The following TTC28 variants were observed in gnomAD, a reference collection of about 807,000 sequenced individuals.
The protein encoded by TTC28 is tetratricopeptide repeat domain 28.
In TTC28, 61 loss-of-function variants were observed where a neutral mutation model predicts 198.0. The ratio of observed to expected loss-of-function variants is 0.31; its 90% CI spans 0.25 to 0.38. The LOEUF (loss-of-function observed/expected upper bound fraction) is 0.38, where lower values mean the gene tolerates loss of function less well. Among genes scored for constraint, TTC28 ranks in the 10% least tolerant of loss-of-function variants. TTC28 has a pLI of 1.00. For synonymous variants in TTC28, 1,171 were observed against 1,297.8 expected, an observed-to-expected ratio of 0.90 and a Z score of 2.10; for missense variants, 2,678 against 3,164.0, an observed-to-expected ratio of 0.85 and a Z score of 3.69.
intron 2 of TTC28, among the ~76,000 whole-genome samples, chr22:28,606,756 C>A (rs773266231): frequency 6.6e-6 from 1 of 152,080 alleles, no homozygotes; most frequent in Non-Finnish European, 1.5e-5. Flanking sequence ...AAAATCATGT[C>A]TTTAACACAT....
In TTC28 at chr22:28,443,676, G is replaced by C. The variant is rs753822338; in HGVS notation, c.382-137033C>G. 1.3e-5 allele frequency among the ~76,000 whole-genome samples: 2 copies of C among 151,936 alleles called. 1 individual carries two copies. Among genetic ancestry groups the C allele is most frequent in the South Asian group, 4.2e-4 (2 of 4,818 alleles). On this transcript the variant is annotated intron_variant, in intron 2 of 22. Coordinates refer to ENST00000397906, the MANE Select transcript of TTC28 (RefSeq NM_001145418.2). ...TGCACTAATGACTTCCTTCCCTTCA[G>C]TGCGAGCACAGCCAGCCCAGCTTCA...
intron 5 of TTC28, among the ~76,000 whole-genome samples, chr22:28,273,635 G>A (rs1297539359): frequency 6.6e-6 from 1 of 152,110 alleles, no homozygotes; most frequent in African/African-American, 2.4e-5. Flanking sequence ...TATAATATAT[G>A]CAGTAGAAGA....
At chr22:28,134,824 CTGG>C (rs1943160222) in intron 6 of TTC28, among the ~76,000 whole-genome samples, 1 of 152,112 alleles carries the variant, frequency 6.6e-6, no homozygotes, top group African/African-American at 2.4e-5. Context: ...AACTTTCCAT[CTGG>C]TTTTTCTTTA....
intron 2 of TTC28, among the ~76,000 whole-genome samples, chr22:28,350,151 G>T (rs967038993): frequency 3.9e-5 from 6 of 152,110 alleles, no homozygotes. Flanking sequence ...ACATAAAATA[G>T]CAACTAAGGA....
At chr22:28,438,610 T>G (rs2047561201) in intron 2 of TTC28, among the ~76,000 whole-genome samples, 1 of 152,226 alleles carries the variant, frequency 6.6e-6, no homozygotes. Context: ...CAGCAGCAGC[T>G]TTCCTGAAGG....
At chr22:28,074,501 CAA>C (rs1229078015) in intron 12 of TTC28, among the ~76,000 whole-genome samples, 1 of 152,172 alleles carries the variant, frequency 6.6e-6, no homozygotes, top group African/African-American at 2.4e-5. Flanking sequence ...GCATTTGGGA[CAA>C]GAGATAAAAG....
intron 1 of TTC28, among the ~76,000 whole-genome samples, chr22:28,669,191 T>C (rs564484213): frequency 7.4e-6 from 1 of 134,386 alleles, no homozygotes; most frequent in East Asian, 2.2e-4. Context: ...TTGGGAGATA[T>C]ACCTAATGCT....
chr22:28,397,725 T>C (rs1400397810), intron 2 of TTC28, among the ~76,000 whole-genome samples: 5 of 152,216 alleles, frequency 3.3e-5, no homozygotes, highest in African/African-American at 9.6e-5. Flanking sequence ...TAAGAAACAC[T>C]GACTTAAGAA....
chr22:28,151,661 C>G (rs192056703), intron 6 of TTC28, among the ~76,000 whole-genome samples: 2 of 152,206 alleles, frequency 1.3e-5, no homozygotes, highest in Admixed American at 1.3e-4. Context: ...GGGTGTGAAT[C>G]ATTTTCTGCA....
At chr22:28,170,723 T>C (rs1024091622) in intron 5 of TTC28, among the ~76,000 whole-genome samples, 1 of 152,142 alleles carries the variant, frequency 6.6e-6, no homozygotes, top group African/African-American at 2.4e-5. Flanking sequence ...TTATCTTTGT[T>C]CCTTCAATGC....
At chr22:28,255,312 T>G (rs772042688) in intron 5 of TTC28, among the ~76,000 whole-genome samples, 28 of 152,306 alleles carry the variant, frequency 1.8e-4, no homozygotes, top group Middle Eastern at 3.4e-3. Context: ...CCCTTTGCCT[T>G]CTGGGCACCT....
chr22:28,053,358 G>C (rs1940159468), intron 12 of TTC28, among the ~76,000 whole-genome samples: 1 of 152,204 alleles, frequency 6.6e-6, no homozygotes, highest in Non-Finnish European at 1.5e-5. Flanking sequence ...AGTGGCTACT[G>C]AGAAATAAAA....
chr22:28,266,797 G>A (rs1426179726), intron 5 of TTC28, among the ~76,000 whole-genome samples: 1 of 152,142 alleles, frequency 6.6e-6, no homozygotes, highest in Non-Finnish European at 1.5e-5. Context: ...ATATTTTGTG[G>A]TTATTTTGTC....
At chr22:28,636,584 G>A (rs943276864) in intron 1 of TTC28, among the ~76,000 whole-genome samples, 5 of 152,000 alleles carry the variant, frequency 3.3e-5, no homozygotes, top group Admixed American at 2.0e-4. Context: ...TATTTCCTTC[G>A]GAGACATATC....
chr22:28,240,445 T>C (rs1423029674), intron 5 of TTC28, among the ~76,000 whole-genome samples: 4 of 152,188 alleles, frequency 2.6e-5, no homozygotes, highest in African/African-American at 9.7e-5. Context: ...GCTACAGATA[T>C]ATGTATATAA....
intron 2 of TTC28, among the ~76,000 whole-genome samples, chr22:28,551,167 T>C (rs1425908026): frequency 1.3e-5 from 2 of 152,142 alleles, no homozygotes; most frequent in Non-Finnish European, 2.9e-5. Context: ...ACAACCCTCC[T>C]AGATTAAACC....
intron 12 of TTC28, among the ~76,000 whole-genome samples, chr22:28,083,963 G>A (rs1341742882): frequency 6.6e-6 from 1 of 152,272 alleles, no homozygotes; most frequent in Non-Finnish European, 1.5e-5. Context: ...GAGGCTGTGG[G>A]AGGGGCGCCT....
chr22:28,460,874 G>A lies in TTC28; in HGVS notation c.382-154231C>T, dbSNP rs555516790. 5.9e-5 allele frequency among the ~76,000 whole-genome samples: 9 copies of A among 152,074 alleles called. No homozygotes were observed. The South Asian group carries it at 1.2e-3, about 21-fold the overall frequency. ...AATTTGTAAGTTTTTTTGTAGAGAC[G>A]GGTTTCGCCATGTTGCCCAGGCTGG... On this transcript the variant is annotated intron_variant, in intron 2 of 22. Coordinates refer to ENST00000397906, the MANE Select transcript of TTC28 (RefSeq NM_001145418.2).
chr22:28,509,730 A>C (rs1386088331), intron 2 of TTC28, among the ~76,000 whole-genome samples: 1 of 152,180 alleles, frequency 6.6e-6, no homozygotes, highest in African/African-American at 2.4e-5. Context: ...TTCAAAAAAC[A>C]ATCAATGAAT....
Sources: allele counts gnomAD v4.1 joint callset (sites outside exome capture counted in the v4.1 genomes callset), GRCh38; gene constraint gnomAD v4.1.1; transcripts MANE v1.5; gene names NCBI Gene and HGNC (gene_info 2026-07-23, HGNC 2026-07-21).